Variants in FNDC1 observed in about 807,000 individuals in gnomAD.
FNDC1 encodes fibronectin type III domain-containing protein 1.
In FNDC1, 96 loss-of-function variants were observed where a neutral mutation model predicts 168.0. The observed-to-expected ratio is 0.57, with a 90% CI of 0.48 to 0.68. The LOEUF (loss-of-function observed/expected upper bound fraction) is 0.68. Ranked by LOEUF, FNDC1 falls within the 30% of genes least tolerant of loss-of-function variation. FNDC1 has a pLI of 0.00. For synonymous variants in FNDC1, 1,099 were observed against 1,025.9 expected (o/e 1.07, Z -1.36); for missense variants, 2,587 against 2,482.1 (o/e 1.04, Z -0.90).
At chr6:159,254,252 T>C (rs73597222) in intron 17 of FNDC1, among the ~76,000 whole-genome samples, 2,184 of 152,270 alleles carry the variant, frequency 0.014, 51 homozygotes, top group African/African-American at 0.05. Flanking sequence ...TTGTACAACA[T>C]TCAGTGGTGG....
At chr6:159,262,947 T>A (rs538715707) in intron 19 of FNDC1, among the ~76,000 whole-genome samples, 1 of 152,250 alleles carries the variant, frequency 6.6e-6, no homozygotes, top group East Asian at 1.9e-4. Context: ...CATTTTGTGA[T>A]AACCTGCTGA....
chr6:159,227,609 T>A (rs568371580), intron 9 of FNDC1, among the ~76,000 whole-genome samples: 48 of 151,738 alleles, frequency 3.2e-4, no homozygotes, highest in Admixed American at 2.1e-3. Context: ...TTTTCACTTT[T>A]TTTTTTTAAA....
intron 1 of FNDC1, among the ~76,000 whole-genome samples, chr6:159,193,404 G>C (rs773010805): frequency 6.6e-6 from 1 of 152,100 alleles, no homozygotes; most frequent in African/African-American, 2.4e-5. Flanking sequence ...TTACTTGTAG[G>C]CATGGTCCTT....
At chr6:159,263,824 G>A (rs373359275) in intron 19 of FNDC1, among the ~76,000 whole-genome samples, 5 of 152,150 alleles carry the variant, frequency 3.3e-5, no homozygotes, top group African/African-American at 9.6e-5. Flanking sequence ...GCATGATGGC[G>A]CATGCCTGTA....
chr6:159,269,498 CTATCCATCCATCCATG>C (rs1309550506), intron 22 of FNDC1, among the ~76,000 whole-genome samples: 1 of 117,470 alleles, frequency 8.5e-6, no homozygotes, highest in Middle Eastern at 4.5e-3. Context: ...ATCTATCTAT[CTATCCATCCATCCATG>C]CATCCATCCA....
intron 1 of FNDC1, among the ~76,000 whole-genome samples, chr6:159,178,022 G>T (rs533761339): frequency 1.3e-5 from 2 of 152,244 alleles, no homozygotes; most frequent in African/African-American, 4.8e-5. Context: ...AATCAAAATG[G>T]AGTCACTTAT....
At chr6:159,265,949 C>CACAA (rs71880513) in intron 20 of FNDC1, 135 bp from the exon 21 acceptor site, 29 of 832,180 alleles carry the variant, frequency 3.5e-5, no homozygotes, top group African/African-American at 6.9e-5. Context: ...CAAACAACAA[C>CACAA]ACAAACAAAC....
chr6:159,193,776 C>T (rs930455935), intron 1 of FNDC1, among the ~76,000 whole-genome samples: 1 of 152,166 alleles, frequency 6.6e-6, no homozygotes, highest in African/African-American at 2.4e-5. Context: ...CCTCTTTGGG[C>T]CCTCTTGGAT....
At chr6:159,175,239 A>T (rs1268891475) in intron 1 of FNDC1, among the ~76,000 whole-genome samples, 1 of 152,086 alleles carries the variant, frequency 6.6e-6, no homozygotes, top group Non-Finnish European at 1.5e-5. Flanking sequence ...AGTGTTACGG[A>T]GTTCACCATT....
chr6:159,200,168 A>C, intron 3 of FNDC1, 86 bp downstream of exon 3: 1 of 1,009,598 alleles, frequency 9.9e-7, no homozygotes. Context: ...GTAAATATAA[A>C]TTTAGAGTTA....
intron 1 of FNDC1, among the ~76,000 whole-genome samples, 179 bp from the exon 2 acceptor site, chr6:159,197,252 T>C (rs1782263313): frequency 6.6e-6 from 1 of 152,254 alleles, no homozygotes; most frequent in Non-Finnish European, 1.5e-5. Context: ...GTGGGTTTGG[T>C]ATATTTGTTT....
At chr6:159,179,691 T>G (rs1367678562) in intron 1 of FNDC1, among the ~76,000 whole-genome samples, 1 of 152,206 alleles carries the variant, frequency 6.6e-6, no homozygotes, top group Non-Finnish European at 1.5e-5. Flanking sequence ...CTTCCTTTGC[T>G]GGAATGTAAG....
intron 4 of FNDC1, among the ~76,000 whole-genome samples, chr6:159,214,042 G>T (rs572751528): frequency 1.3e-5 from 2 of 152,330 alleles, no homozygotes; most frequent in South Asian, 4.1e-4. Flanking sequence ...TGGTGATGGG[G>T]TTAATGTATA....
chr6:159,211,068 C>T (rs961567452), intron 4 of FNDC1, among the ~76,000 whole-genome samples: 9 of 152,280 alleles, frequency 5.9e-5, no homozygotes, highest in South Asian at 2.1e-4. Flanking sequence ...CCACCCCCGG[C>T]GTGCAGATTG....
At chr6:159,269,599 CTA>C (rs1777698702) in intron 22 of FNDC1, among the ~76,000 whole-genome samples, 1 of 8,644 alleles carries the variant, frequency 1.2e-4, no homozygotes, top group Non-Finnish European at 4.9e-4. Context: ...GTCTGTCTGT[CTA>C]TCTATCTATC....
intron 7 of FNDC1, among the ~76,000 whole-genome samples, chr6:159,225,014 C>T (rs1316130160): frequency 6.6e-6 from 1 of 152,182 alleles, no homozygotes; most frequent in East Asian, 1.9e-4. Flanking sequence ...CACTCCTTTT[C>T]ACTGTAGTAA....
chr6:159,184,247 T>C lies in FNDC1; in HGVS notation c.110-13184T>C, dbSNP rs1472663326. ...TCCTTGCTTAGAATCTGACACATAG[T>C]AGGCACTCAGTAAATCTCTGTTCCA... is the stretch of plus-strand genomic sequence containing the variant. On this transcript the variant is annotated intron_variant, in intron 1 of 22. Coordinates refer to ENST00000297267, the MANE Select transcript of FNDC1 (RefSeq NM_032532.3). Among the ~76,000 whole-genome samples the C allele has an allele frequency of 2.0e-5, 3 of 152,232 alleles. 1 individual carries two copies. In the South Asian group the frequency reaches 6.2e-4, roughly 31 times the overall value.
intron 19 of FNDC1, among the ~76,000 whole-genome samples, chr6:159,263,938 A>G (rs1173437500): frequency 2.0e-5 from 3 of 152,188 alleles, no homozygotes; most frequent in African/African-American, 7.2e-5. Flanking sequence ...CTGGGCAACA[A>G]GAGCAAAACT....
chr6:159,169,611 C>T lies in FNDC1; in HGVS notation c.15C>T (p.Ala5=). 7 of 1,125,918 alleles carry T rather than the reference C, an allele frequency of 6.2e-6. No homozygotes were observed. The highest frequency in any genetic ancestry group is 7.6e-6 in the Non-Finnish European group (7 of 921,224). 69.7% of individuals were successfully genotyped at this position (1,125,918 alleles called of 1,614,324 possible). Residue 5 remains alanine (A), a synonymous_variant, in exon 1 of 23, where the codon GCC becomes GCT. Coordinates refer to ENST00000297267, the MANE Select transcript of FNDC1 (RefSeq NM_032532.3). The surrounding 1 kb of genome is among the most constrained non-coding windows in gnomAD (Gnocchi z 6.8). ...CCGGGCTCTCGATGGCCCCCGAGGC[C>T]GGGGCGACCCTGCGCGCGCCGCGCC... is the stretch of plus-strand genomic sequence containing the variant. The part of the protein sequence containing the change: MAPE[A]GATLRAPRRL...
Sources: gnomAD v4.1 joint callset for allele counts (sites outside exome capture counted in the v4.1 genomes callset) on GRCh38, gnomAD v4.1.1 for gene constraint, Gnocchi (gnomAD v3.1) non-coding constraint, MANE v1.5 for transcripts, NCBI Gene and HGNC (gene_info 2026-07-23, HGNC 2026-07-21) for gene names.